MLIP: variants seen among roughly 807,000 people sequenced by gnomAD.
The protein encoded by MLIP is muscular LMNA-interacting protein.
MLIP carries 79 observed loss-of-function variants against 84.8 expected under a neutral mutation model. The observed-to-expected ratio is 0.93, with a 90% confidence interval of 0.78 to 1.12. MLIP has a LOEUF of 1.12. Ranked by LOEUF, MLIP falls within the 50% of genes most tolerant of loss-of-function variation. The pLI is 0.00. For synonymous variants in MLIP, 504 were observed against 463.0 expected (o/e 1.09, Z -1.14); for missense variants, 1,257 against 1,160.6 (o/e 1.08, Z -1.21).
intron 1 of MLIP, among the ~76,000 whole-genome samples, chr6:54,052,219 T>A (rs1264495952): frequency 6.6e-6 from 1 of 152,130 alleles, no homozygotes; most frequent in Non-Finnish European, 1.5e-5. Context: ...AGAAGAAATA[T>A]ATGATCCTCT....
chr6:54,231,041 T>C, intron 12 of MLIP, 124 bp downstream of exon 12: 1 of 678,214 alleles, frequency 1.5e-6, no homozygotes, highest in Non-Finnish European at 2.4e-6. Flanking sequence ...TATCTAAATG[T>C]ATAAAGAATA....
At chr6:54,142,559 T>C (rs1772408775) in intron 4 of MLIP, among the ~76,000 whole-genome samples, 1 of 152,126 alleles carries the variant, frequency 6.6e-6, no homozygotes, top group African/African-American at 2.4e-5. Flanking sequence ...AACAGGATGT[T>C]GAGGTTGTCA....
intron 3 of MLIP, among the ~76,000 whole-genome samples, chr6:54,128,912 G>C (rs1015777502): frequency 6.6e-6 from 1 of 152,116 alleles, no homozygotes; most frequent in Non-Finnish European, 1.5e-5. Context: ...TAAGAAGTCT[G>C]AGATGGCAGC....
Position 54,136,910 on chromosome 6 carries a change from A to G in MLIP, c.841A>G (p.Thr281Ala). The G allele has an allele frequency of 6.5e-7, 1 of 1,535,156 alleles. No homozygotes were observed. The highest frequency in any genetic ancestry group is 8.7e-7 in the Non-Finnish European group (1 of 1,146,596). The change falls in exon 4 of 14, where the codon ACC (threonine) becomes GCC (alanine). Residue 281 changes from threonine (T) to alanine (A), a missense_variant. Transcript: ENST00000502396. ...VEESATYFQTTAHSTPFSASK... is the reference protein window; with the variant it reads ...VEESATYFQTAAHSTPFSASK... ...AGAATCAGCTACGTATTTTCAAACT[A>G]CCGCTCACTCTACACCCTTTTCTGC... is the stretch of plus-strand genomic sequence containing the variant.
At chr6:54,190,620 T>C in intron 10 of MLIP, among the ~76,000 whole-genome samples, 1 of 152,114 alleles carries the variant, frequency 6.6e-6, no homozygotes, top group African/African-American at 2.4e-5. Context: ...AGCTCAACAG[T>C]GGGGACTACA....
chr6:54,094,438 G>T (rs1768071999), intron 1 of MLIP, among the ~76,000 whole-genome samples: 1 of 152,146 alleles, frequency 6.6e-6, no homozygotes, highest in Non-Finnish European at 1.5e-5. Context: ...GCAAATATTT[G>T]CAGAGTATTC....
intron 1 of MLIP, among the ~76,000 whole-genome samples, chr6:54,042,598 T>C (rs1308590519): frequency 1.3e-5 from 2 of 152,126 alleles, no homozygotes; most frequent in African/African-American, 4.8e-5. Flanking sequence ...AAAACATCTG[T>C]GAAGCAGTAT....
chr6:54,078,513 C>T (rs949580129), intron 1 of MLIP, among the ~76,000 whole-genome samples: 1 of 152,134 alleles, frequency 6.6e-6, no homozygotes, highest in African/African-American at 2.4e-5. Context: ...CAGCCTGAGG[C>T]TGCTGTGAGC....
rs541858235 is a variant in MLIP, at chr6:54,075,956, C to T, written c.64-45491C>T. ...ATTGAATATGTATGTTTCATCATTA[C>T]GGAACCATTTTATTTTCTTTTTATG... On this transcript the variant is annotated intron_variant, in intron 1 of 12. Coordinates refer to the MLIP transcript ENST00000274897. Among the ~76,000 whole-genome samples, 29 of 152,244 alleles carry T rather than the reference C, an allele frequency of 1.9e-4. No homozygotes were observed. The South Asian group carries it at 3.1e-3, about 16-fold the overall frequency.
At chr6:54,214,511 T>C (rs1779714229) in intron 11 of MLIP, among the ~76,000 whole-genome samples, 2 of 152,202 alleles carry the variant, frequency 1.3e-5, no homozygotes, top group South Asian at 2.1e-4. Context: ...GTTGTTTTCC[T>C]CTGTTCCCTC....
intron 8 of MLIP, among the ~76,000 whole-genome samples, chr6:54,167,546 C>T (rs1775318759): frequency 6.6e-6 from 1 of 151,824 alleles, no homozygotes; most frequent in Non-Finnish European, 1.5e-5. Context: ...TTCTTAATCT[C>T]TGTGGGTCTT....
rs372694830 is a variant in MLIP, at chr6:54,169,510, G to A, written c.2500-18G>A. ...ACTTTATTATTTCAGATGTATAATT[G>A]TTTTTATTTTCATACAGACTCCTAC... On this transcript the variant is annotated intron_variant, in intron 8 of 13. Coordinates refer to ENST00000502396, the MANE Select transcript of MLIP (RefSeq NM_001281747.2). The A allele has an allele frequency of 4.5e-6, 7 of 1,557,404 alleles. No homozygotes were observed. Among genetic ancestry groups the A allele is most frequent in the South Asian group, 2.4e-5 (2 of 82,346 alleles).
At chr6:54,114,391 T>A (rs1368405656) in intron 1 of MLIP, among the ~76,000 whole-genome samples, 3 of 152,352 alleles carry the variant, frequency 2.0e-5, no homozygotes, top group African/African-American at 7.2e-5. Flanking sequence ...CAGCTTCAAC[T>A]ATTGTCTTCC....
intron 10 of MLIP, among the ~76,000 whole-genome samples, chr6:54,196,093 A>C (rs552082993): frequency 6.6e-6 from 1 of 152,190 alleles, no homozygotes; most frequent in African/African-American, 2.4e-5. Flanking sequence ...TCTATCCCTC[A>C]AAGTTCCCTC....
intron 8 of MLIP, among the ~76,000 whole-genome samples, chr6:54,165,488 C>G (rs1168708966): frequency 1.3e-5 from 2 of 151,936 alleles, no homozygotes; most frequent in South Asian, 4.1e-4. Flanking sequence ...ATTTTAGCCC[C>G]TCAGTTCACC....
rs191874750 is a variant in MLIP at position 54,065,295 on chromosome 6, G to T, written c.63+46204G>T. Among the ~76,000 whole-genome samples the T allele has an allele frequency of 8.0e-5, 8 of 99,752 alleles. 3 individuals carry two copies. In the East Asian group the frequency reaches 2.2e-3, roughly 27 times the overall value. The allele number at this position is 99,752 out of a possible 152,430, so 65.4% of individuals were successfully genotyped here. A position where few individuals can be genotyped will look rare whatever the true frequency, so the allele number is the denominator to read the frequency against. On this transcript the variant is annotated intron_variant, in intron 1 of 12. Transcript: ENST00000274897. ...TTATATGTGTTTCCTATTGTTATTA[G>T]GACTAAATTATAAAGAATTATCATT... is the stretch of plus-strand genomic sequence containing the variant.
At chr6:54,213,563 A>G (rs1401737698) in intron 11 of MLIP, among the ~76,000 whole-genome samples, 2 of 151,778 alleles carry the variant, frequency 1.3e-5, no homozygotes, top group East Asian at 3.9e-4. Flanking sequence ...TTAGCCAGGC[A>G]TGGTGGTACG....
rs1461915675 is a variant in MLIP at position 54,137,921 on chromosome 6, T to A, written c.1852T>A (p.Ser618Thr). Residue 618 changes from serine to threonine, a missense_variant, in exon 4 of 14, where the codon TCA becomes ACA. Coordinates refer to ENST00000502396, the MANE Select transcript of MLIP (RefSeq NM_001281747.2). ...ATGTTTCCATCCTTCCCCAGCTCTT[T>A]CAAGCCTGATAAACAGATCTAAAAG... ...EKCFHPSPAL[S>T]SLINRSKRAS... The A allele has an allele frequency of 6.5e-7, 1 of 1,536,132 alleles. No homozygotes were observed. The highest frequency in any genetic ancestry group is 8.7e-7 in the Non-Finnish European group (1 of 1,146,902).
intron 11 of MLIP, among the ~76,000 whole-genome samples, chr6:54,227,000 TC>T (rs1422881759): frequency 6.6e-6 from 1 of 152,128 alleles, no homozygotes; most frequent in Non-Finnish European, 1.5e-5. Context: ...AATTGTAATC[TC>T]CAGTGTTGGG....
Sources: gnomAD v4.1 joint callset for allele counts (sites outside exome capture counted in the v4.1 genomes callset) on GRCh38, gnomAD v4.1.1 for gene constraint, MANE v1.5 for transcripts, NCBI Gene and HGNC (gene_info 2026-07-23, HGNC 2026-07-21) for gene names.